CNTNAP2: variants seen among roughly 807,000 people sequenced by gnomAD.
The protein encoded by CNTNAP2 is contactin associated protein 2.
A neutral mutation model predicts 155.2 loss-of-function variants in CNTNAP2; 98 were observed. That is an observed-to-expected ratio of 0.63 (90% CI 0.54 to 0.75). The LOEUF (loss-of-function observed/expected upper bound fraction) is 0.75. Among genes scored for constraint, CNTNAP2 ranks in the 30% least tolerant of loss-of-function variants. The probability of loss-of-function intolerance (pLI) is 0.00; values close to 1 mark genes in which losing one functional copy is unlikely to be tolerated. For missense variants in CNTNAP2, 1,727 were observed against 1,688.1 expected (o/e 1.02, Z -0.40); for synonymous variants, 651 against 631.2 (o/e 1.03, Z -0.47).
intron 1 of CNTNAP2, among the ~76,000 whole-genome samples, chr7:146,237,928 AAAAT>A (rs1408787930): frequency 1.3e-5 from 2 of 152,250 alleles, no homozygotes; most frequent in Non-Finnish European, 2.9e-5. Flanking sequence ...TGGCTAGATA[AAAAT>A]AAATAGTTGT....
At chr7:147,934,617 C>A (rs1473091259) in intron 14 of CNTNAP2, among the ~76,000 whole-genome samples, 1 of 152,086 alleles carries the variant, frequency 6.6e-6, no homozygotes, top group Non-Finnish European at 1.5e-5. Flanking sequence ...AATCTGAGAG[C>A]CTATACTTCA....
chr7:147,803,760 C>T (rs1333637148), intron 13 of CNTNAP2, among the ~76,000 whole-genome samples: 1 of 152,144 alleles, frequency 6.6e-6, no homozygotes, highest in Admixed American at 6.5e-5. Context: ...GAAGTGGATG[C>T]TTTAATGTGA....
intron 15 of CNTNAP2, among the ~76,000 whole-genome samples, chr7:148,024,157 TAAAA>T (rs34591496): frequency 1.9e-5 from 2 of 107,632 alleles, no homozygotes; most frequent in African/African-American, 3.6e-5. Context: ...CTTTAAAGTG[TAAAA>T]AAAAAAAAAA....
rs1229305544 is a variant in CNTNAP2, at chr7:147,479,704, G to T, written c.1671-6231G>T. 7.9e-5 allele frequency among the ~76,000 whole-genome samples: 12 copies of T among 151,366 alleles called. No homozygotes were observed. The East Asian group carries it at 2.3e-3, about 30-fold the overall frequency. ...CTTATCTCATCATAGCAAAATTAAT[G>T]ATTAATAGATGTAGACCAAATATGC... is the stretch of plus-strand genomic sequence containing the variant. On this transcript the variant is annotated intron_variant, in intron 10 of 23. Coordinates refer to ENST00000361727, the MANE Select transcript of CNTNAP2 (RefSeq NM_014141.6).
chr7:147,036,465 A>G (rs906263843), intron 3 of CNTNAP2, among the ~76,000 whole-genome samples: 1 of 152,238 alleles, frequency 6.6e-6, no homozygotes, highest in African/African-American at 2.4e-5. Context: ...GAACTCTAAA[A>G]GTAGAACCAT....
chr7:147,667,646 T>TG (rs1795717834), intron 13 of CNTNAP2, among the ~76,000 whole-genome samples: 1 of 152,098 alleles, frequency 6.6e-6, no homozygotes, highest in African/African-American at 2.4e-5. Flanking sequence ...GTCCCACACA[T>TG]GCTCCTTTTA....
chr7:146,742,509 A>G (rs1017503564), intron 1 of CNTNAP2, among the ~76,000 whole-genome samples: 1 of 152,206 alleles, frequency 6.6e-6, no homozygotes, highest in African/African-American at 2.4e-5. Context: ...AAGTTTATGT[A>G]TGAGGTGATA....
intron 1 of CNTNAP2, among the ~76,000 whole-genome samples, chr7:146,268,014 G>A (rs1473958979): frequency 6.6e-6 from 1 of 152,140 alleles, no homozygotes; most frequent in Admixed American, 6.5e-5. Flanking sequence ...ATTTATAAAT[G>A]TGTAGTGGTC....
At chr7:147,543,216 T>C (rs1281195519) in intron 11 of CNTNAP2, among the ~76,000 whole-genome samples, 1 of 152,222 alleles carries the variant, frequency 6.6e-6, no homozygotes, top group Non-Finnish European at 1.5e-5. Context: ...ATTAAAGGAA[T>C]AGGATGGGCT....
chr7:147,959,778 T>C (rs1801084858), intron 14 of CNTNAP2, among the ~76,000 whole-genome samples: 1 of 152,130 alleles, frequency 6.6e-6, no homozygotes, highest in Non-Finnish European at 1.5e-5. Context: ...TATGGAAAGC[T>C]ACTCCTGCCC....
intron 1 of CNTNAP2, among the ~76,000 whole-genome samples, chr7:146,490,859 A>C (rs370258428): frequency 6.6e-6 from 1 of 152,212 alleles, no homozygotes; most frequent in Non-Finnish European, 1.5e-5. Flanking sequence ...TATCATGGGA[A>C]TGTAGTACTG....
At chr7:146,908,141 A>G (rs1796182740) in intron 3 of CNTNAP2, among the ~76,000 whole-genome samples, 1 of 152,138 alleles carries the variant, frequency 6.6e-6, no homozygotes. Flanking sequence ...GAGCACCCAG[A>G]TTCATAAAGC....
chr7:147,775,940 A>G (rs1797577095), intron 13 of CNTNAP2, among the ~76,000 whole-genome samples: 1 of 152,152 alleles, frequency 6.6e-6, no homozygotes, highest in African/African-American at 2.4e-5. Context: ...TAATGAGGGA[A>G]TGGATTTGTT....
At chr7:147,877,071 A>G (rs1799433387) in intron 13 of CNTNAP2, among the ~76,000 whole-genome samples, 1 of 152,222 alleles carries the variant, frequency 6.6e-6, no homozygotes, top group South Asian at 2.1e-4. Flanking sequence ...CAGGTTAGCC[A>G]GATGAGGGAG....
chr7:147,512,309 T>C (rs1215337477), intron 11 of CNTNAP2, among the ~76,000 whole-genome samples: 1 of 152,198 alleles, frequency 6.6e-6, no homozygotes, highest in Non-Finnish European at 1.5e-5. Context: ...CTTTTCTTGA[T>C]AGAGAGAATT....
intron 3 of CNTNAP2, among the ~76,000 whole-genome samples, chr7:146,953,697 A>G (rs1208167531): frequency 6.6e-6 from 1 of 151,956 alleles, no homozygotes; most frequent in Non-Finnish European, 1.5e-5. Context: ...TGGAGATATC[A>G]CATTCATCTT....
At chr7:148,364,789 C>T (rs897399409) in intron 21 of CNTNAP2, among the ~76,000 whole-genome samples, 6 of 152,164 alleles carry the variant, frequency 3.9e-5, no homozygotes, top group South Asian at 2.1e-4. Flanking sequence ...GCAGGCTGCC[C>T]GAGCCAGCAT....
chr7:147,091,953 A>G (rs1337592174), intron 4 of CNTNAP2, among the ~76,000 whole-genome samples: 1 of 151,804 alleles, frequency 6.6e-6, no homozygotes, highest in East Asian at 1.9e-4. Flanking sequence ...GTCAGTCAGG[A>G]TGGTGTCGAT....
At chr7:146,748,971 G>T (rs1040657570) in intron 1 of CNTNAP2, among the ~76,000 whole-genome samples, 13 of 152,132 alleles carry the variant, frequency 8.5e-5, no homozygotes, top group Non-Finnish European at 1.9e-4. Flanking sequence ...AGCTATTAAA[G>T]CTCCTCTAAT....
Sources: allele counts gnomAD v4.1 joint callset (sites outside exome capture counted in the v4.1 genomes callset), GRCh38; gene constraint gnomAD v4.1.1; transcripts MANE v1.5; gene names NCBI Gene and HGNC (gene_info 2026-07-23, HGNC 2026-07-21).